Variants in CSMD1 observed in about 807,000 individuals in gnomAD.
CSMD1 encodes the protein CUB and Sushi multiple domains 1, also known as CUB and sushi domain-containing protein 1.
Under a neutral mutation model 417.5 loss-of-function variants are expected in CSMD1, and 213 were observed. The observed-to-expected ratio is 0.51, with a 90% CI of 0.46 to 0.57. The LOEUF (loss-of-function observed/expected upper bound fraction) is 0.57, where lower values mean the gene tolerates loss of function less well. Ranked by LOEUF, CSMD1 falls within the 20% of genes least tolerant of loss-of-function variation. The pLI is 0.00. For synonymous variants in CSMD1, 2,862 were observed against 1,736.8 expected (o/e 1.65, Z -16.11); for missense variants, 6,923 against 4,529.7 (o/e 1.53, Z -15.17).
At chr8:3,528,655 T>C (rs906958120) in intron 10 of CSMD1, among the ~76,000 whole-genome samples, 6 of 152,228 alleles carry the variant, frequency 3.9e-5, no homozygotes, top group Non-Finnish European at 8.8e-5. Flanking sequence ...GAAATTCTTC[T>C]TGATTTCTGG....
intron 1 of CSMD1, among the ~76,000 whole-genome samples, chr8:4,877,491 T>TA (rs1459337395): frequency 6.6e-6 from 1 of 152,098 alleles, no homozygotes; most frequent in African/African-American, 2.4e-5. Context: ...AAGTAGCTCC[T>TA]AAAATCTCTT....
intron 6 of CSMD1, among the ~76,000 whole-genome samples, chr8:3,741,971 G>T (rs895496254): frequency 3.8e-5 from 5 of 131,110 alleles, no homozygotes; most frequent in Admixed American, 8.2e-5. Context: ...TTTTTCCAAA[G>T]AATCTTGGTT....
At chr8:4,598,412 G>T (rs1003084089) in intron 2 of CSMD1, among the ~76,000 whole-genome samples, 13 of 152,148 alleles carry the variant, frequency 8.5e-5, no homozygotes, top group Admixed American at 6.5e-4. Flanking sequence ...GTCATATAAG[G>T]TCATGGAAAT....
chr8:4,377,734 T>C (rs1193155358), intron 3 of CSMD1, among the ~76,000 whole-genome samples: 3 of 152,226 alleles, frequency 2.0e-5, no homozygotes, highest in African/African-American at 4.8e-5. Flanking sequence ...CTTCTTACTC[T>C]GCCCATAACA....
chr8:4,925,189 A>G (rs1450747078), intron 1 of CSMD1, among the ~76,000 whole-genome samples: 1 of 151,348 alleles, frequency 6.6e-6, no homozygotes, highest in African/African-American at 2.4e-5. Flanking sequence ...ATCAGAGAAT[A>G]AAACATGGTG....
intron 11 of CSMD1, among the ~76,000 whole-genome samples, chr8:3,490,120 G>T (rs748012783): frequency 6.6e-6 from 1 of 152,066 alleles, no homozygotes; most frequent in East Asian, 1.9e-4. Flanking sequence ...CTCTGTGTTC[G>T]GTTATTTTTC....
chr8:3,310,749 A>G (rs1179271703), intron 23 of CSMD1, among the ~76,000 whole-genome samples: 1 of 151,538 alleles, frequency 6.6e-6, no homozygotes, highest in Non-Finnish European at 1.5e-5. Flanking sequence ...TCCGTGAAGA[A>G]CAAAGCTGTG....
intron 3 of CSMD1, among the ~76,000 whole-genome samples, chr8:4,176,237 G>T (rs1159444528): frequency 2.6e-5 from 4 of 151,920 alleles, no homozygotes; most frequent in East Asian, 1.9e-4. Flanking sequence ...GCTTATGTAC[G>T]TTCTTATATA....
intron 2 of CSMD1, among the ~76,000 whole-genome samples, chr8:4,447,929 C>T (rs915767558): frequency 1.3e-5 from 2 of 152,100 alleles, no homozygotes; most frequent in African/African-American, 4.8e-5. Flanking sequence ...ACGACAATTA[C>T]CACACTCACC....
chr8:4,104,976 T>C (rs368276998), intron 3 of CSMD1, among the ~76,000 whole-genome samples: 13 of 144,546 alleles, frequency 9.0e-5, no homozygotes, highest in African/African-American at 3.0e-4. Flanking sequence ...TCGATCATAA[T>C]AGAACAGTTT....
chr8:3,473,362 A>G (rs1303502221), intron 11 of CSMD1, among the ~76,000 whole-genome samples: 1 of 152,212 alleles, frequency 6.6e-6, no homozygotes, highest in Non-Finnish European at 1.5e-5. Flanking sequence ...AAGAACTGTA[A>G]TTACAGCTTA....
At chr8:4,214,615 G>A (rs760175717) in intron 3 of CSMD1, among the ~76,000 whole-genome samples, 15 of 152,062 alleles carry the variant, frequency 9.9e-5, no homozygotes, top group Non-Finnish European at 1.9e-4. Context: ...TTAGAATTTT[G>A]AACAGAAACA....
intron 1 of CSMD1, among the ~76,000 whole-genome samples, chr8:4,671,828 G>A (rs180791674): frequency 2.6e-5 from 4 of 152,190 alleles, no homozygotes; most frequent in East Asian, 1.9e-4. Flanking sequence ...AAAAACTTAC[G>A]TTTGAGGAGT....
At chr8:4,455,604 C>A (rs1311266428) in intron 2 of CSMD1, among the ~76,000 whole-genome samples, 1 of 151,860 alleles carries the variant, frequency 6.6e-6, no homozygotes, top group Non-Finnish European at 1.5e-5. Context: ...ATTTTTAAAT[C>A]ATCTTATTTT....
intron 3 of CSMD1, among the ~76,000 whole-genome samples, chr8:4,240,979 A>T (rs1484811708): frequency 6.6e-6 from 1 of 152,160 alleles, no homozygotes; most frequent in African/African-American, 2.4e-5. Context: ...AAGTCTGTTC[A>T]ATTATTTCCA....
intron 5 of CSMD1, among the ~76,000 whole-genome samples, chr8:3,819,519 G>A (rs772648509): frequency 7.0e-6 from 1 of 142,892 alleles, no homozygotes. Flanking sequence ...GAGCTCAAAA[G>A]CGAAGGTGAT....
At chr8:4,200,301 T>C (rs536651812) in intron 3 of CSMD1, among the ~76,000 whole-genome samples, 1 of 152,324 alleles carries the variant, frequency 6.6e-6, no homozygotes, top group African/African-American at 2.4e-5. Flanking sequence ...TTGTTAATTA[T>C]GCTTAGAGTG....
intron 1 of CSMD1, among the ~76,000 whole-genome samples, chr8:4,796,226 G>T (rs1278930156): frequency 6.6e-6 from 1 of 151,900 alleles, no homozygotes; most frequent in South Asian, 2.1e-4. Flanking sequence ...TGCTCCAAAA[G>T]CCTGCATGAA....
intron 1 of CSMD1, among the ~76,000 whole-genome samples, chr8:4,668,848 C>G (rs933936624): frequency 6.6e-6 from 1 of 152,074 alleles, no homozygotes; most frequent in African/African-American, 2.4e-5. Context: ...CTCTCTCTAC[C>G]ATGTTTATCT....
Sources: gnomAD v4.1 joint callset for allele counts (sites outside exome capture counted in the v4.1 genomes callset) on GRCh38, gnomAD v4.1.1 for gene constraint, MANE v1.5 for transcripts, NCBI Gene and HGNC (gene_info 2026-07-23, HGNC 2026-07-21) for gene names.